DPP6: variants seen among roughly 807,000 people sequenced by gnomAD.
The protein encoded by DPP6 is A-type potassium channel modulatory protein DPP6.
In DPP6, 69 loss-of-function variants were observed where a neutral mutation model predicts 122.6. The ratio of observed to expected loss-of-function variants is 0.56; its 90% confidence interval spans 0.46 to 0.69. The LOEUF (loss-of-function observed/expected upper bound fraction) is 0.69, where lower values mean the gene tolerates loss of function less well. Among genes scored for constraint, DPP6 ranks in the 30% least tolerant of loss-of-function variants. DPP6 has a pLI of 0.00. For missense variants in DPP6, 928 were observed against 1,116.9 expected (o/e 0.83, Z 2.41); for synonymous variants, 418 against 433.1 (o/e 0.97, Z 0.43).
chr7:154,628,811 G>A (rs1835240202), intron 5 of DPP6, among the ~76,000 whole-genome samples: 1 of 152,158 alleles, frequency 6.6e-6, no homozygotes, highest in African/African-American at 2.4e-5. Flanking sequence ...GACCATGACA[G>A]TGGATGGAAT....
intron 1 of DPP6, among the ~76,000 whole-genome samples, chr7:154,229,975 A>G (rs1348133618): frequency 6.6e-6 from 1 of 152,226 alleles, no homozygotes; most frequent in Non-Finnish European, 1.5e-5. Flanking sequence ...TGGTTTATAT[A>G]TATTTTAAAA....
rs993460157 is a variant in DPP6 at position 154,486,407 on chromosome 7, C to T, written c.457+11370C>T. ...TCGACCACCTAAAGTGCTGGGATTA[C>T]GGGTGTGAGCCACCATGCCCGGCCA... is the stretch of plus-strand genomic sequence containing the variant. On this transcript the variant is annotated intron_variant, in intron 3 of 25. Coordinates refer to ENST00000377770, the MANE Select transcript of DPP6 (RefSeq NM_130797.4). The surrounding 1 kb of genome is among the most constrained non-coding windows in gnomAD (Gnocchi z 4.5). 1.3e-5 allele frequency among the ~76,000 whole-genome samples: 2 copies of T among 152,184 alleles called. No individual in the cohort carries two copies. The highest frequency in any genetic ancestry group is 2.1e-4 in the South Asian group (1 of 4,830).
chr7:153,806,037 C>T, the DPP6 span, among the ~76,000 whole-genome samples: 1 of 151,742 alleles, frequency 6.6e-6, no homozygotes, highest in Non-Finnish European at 1.5e-5. Context: ...TACTTTCCTC[C>T]CTCGTTTCAT....
At chr7:154,083,344 T>G (rs543403964) in intron 1 of DPP6, among the ~76,000 whole-genome samples, 3 of 152,242 alleles carry the variant, frequency 2.0e-5, no homozygotes, top group Admixed American at 1.3e-4. Context: ...TGGCAGACTC[T>G]GTGCAGAATA....
the DPP6 span, among the ~76,000 whole-genome samples, chr7:153,877,926 C>A: frequency 6.6e-6 from 1 of 152,036 alleles, no homozygotes; most frequent in African/African-American, 2.4e-5. Context: ...ATTAAAAGTC[C>A]TGGACACTAC....
chr7:154,880,573 C>G (rs1805306168), intron 20 of DPP6, among the ~76,000 whole-genome samples: 1 of 152,138 alleles, frequency 6.6e-6, no homozygotes, highest in African/African-American at 2.4e-5. Flanking sequence ...GCAGATGGAC[C>G]CCATGCAACA....
At chr7:154,338,742 G>A (rs1008942983) in intron 1 of DPP6, among the ~76,000 whole-genome samples, 1 of 152,106 alleles carries the variant, frequency 6.6e-6, no homozygotes, top group Non-Finnish European at 1.5e-5. Context: ...TTGAATAGAG[G>A]AAAACAACCA....
chr7:154,827,975 G>C (rs1382880874), intron 16 of DPP6, among the ~76,000 whole-genome samples: 1 of 152,168 alleles, frequency 6.6e-6, no homozygotes, highest in Non-Finnish European at 1.5e-5. Context: ...GAAACTGGAG[G>C]CACACCTGCG....
chr7:154,232,546 G>T (rs1341561459), intron 1 of DPP6, among the ~76,000 whole-genome samples: 1 of 152,176 alleles, frequency 6.6e-6, no homozygotes, highest in Non-Finnish European at 1.5e-5. Context: ...CCTTCCATGA[G>T]GTTGGTTGTG....
chr7:154,182,771 C>T (rs1488791233), intron 1 of DPP6, among the ~76,000 whole-genome samples: 1 of 152,094 alleles, frequency 6.6e-6, no homozygotes, highest in African/African-American at 2.4e-5. Context: ...ATCCTGCTTC[C>T]TCATCAAGAG....
chr7:153,871,283 C>T, the DPP6 span, among the ~76,000 whole-genome samples: 1 of 152,234 alleles, frequency 6.6e-6, no homozygotes. Flanking sequence ...CCTCCTTGAG[C>T]TGTGGTGGGC....
chr7:154,073,592 C>T (rs186998337), intron 1 of DPP6, among the ~76,000 whole-genome samples: 143 of 152,276 alleles, frequency 9.4e-4, no homozygotes, highest in Non-Finnish European at 1.5e-3. Flanking sequence ...GTACTCATCG[C>T]GATTAATACA....
intron 1 of DPP6, among the ~76,000 whole-genome samples, chr7:154,357,721 C>T (rs1357299164): frequency 6.6e-6 from 1 of 152,056 alleles, no homozygotes; most frequent in Non-Finnish European, 1.5e-5. Context: ...GTGGGTGGAT[C>T]ACCTGAGGTC....
intron 7 of DPP6, among the ~76,000 whole-genome samples, chr7:154,712,836 C>T (rs1018131499): frequency 3.9e-5 from 6 of 152,140 alleles, no homozygotes; most frequent in Non-Finnish European, 8.8e-5. Context: ...GCCTCTGGCC[C>T]CTCCCAAATC....
At chr7:154,706,031 T>A in intron 7 of DPP6, among the ~76,000 whole-genome samples, 1 of 152,082 alleles carries the variant, frequency 6.6e-6, no homozygotes, top group East Asian at 1.9e-4. Context: ...ATGAGGGCGG[T>A]CATGGAAAAC....
intron 4 of DPP6, among the ~76,000 whole-genome samples, chr7:154,545,881 T>G (rs1227744729): frequency 1.3e-5 from 2 of 152,218 alleles, no homozygotes; most frequent in African/African-American, 4.8e-5. Context: ...TAGGCCCTTT[T>G]TATTGACAAT....
At chr7:154,646,076 C>T (rs1344748195) in intron 6 of DPP6, among the ~76,000 whole-genome samples, 1 of 144,936 alleles carries the variant, frequency 6.9e-6, no homozygotes, top group Non-Finnish European at 1.5e-5. Flanking sequence ...TCATGGTGGA[C>T]ACCAAGACCT....
intron 1 of DPP6, among the ~76,000 whole-genome samples, chr7:154,061,085 A>G (rs1457692996): frequency 1.3e-5 from 2 of 149,176 alleles, no homozygotes; most frequent in East Asian, 1.9e-4. Flanking sequence ...GCTCGGGAAC[A>G]GAAAGAAAGC....
chr7:154,754,968 G>T (rs907162948), intron 8 of DPP6, among the ~76,000 whole-genome samples: 1 of 152,008 alleles, frequency 6.6e-6, no homozygotes, highest in Non-Finnish European at 1.5e-5. Context: ...ATACACTAGG[G>T]CCTGTCTGTG....
Sources: allele counts gnomAD v4.1 joint callset (sites outside exome capture counted in the v4.1 genomes callset), GRCh38; gene constraint gnomAD v4.1.1; non-coding constraint Gnocchi (gnomAD v3.1); transcripts MANE v1.5; gene names NCBI Gene and HGNC (gene_info 2026-07-23, HGNC 2026-07-21).